The following SATB1 variants were observed in gnomAD, a reference collection of about 807,000 sequenced individuals.
SATB1 encodes the protein SATB homeobox 1.
In SATB1, 11 loss-of-function variants were observed where a neutral mutation model predicts 86.9. The ratio of observed to expected loss-of-function variants is 0.13; its 90% CI spans 0.08 to 0.21. SATB1 has a LOEUF of 0.21. Among genes scored for constraint, SATB1 ranks in the 10% least tolerant of loss-of-function variants. The probability of loss-of-function intolerance (pLI) is 1.00; values close to 1 mark genes in which losing one functional copy is unlikely to be tolerated. For synonymous variants in SATB1, 357 were observed against 357.2 expected, an observed-to-expected ratio of 1.00 and a Z score of 0.01; for missense variants, 551 against 937.6, an observed-to-expected ratio of 0.59 and a Z score of 5.39.
At chr3:18,359,622 A>G (rs1694811442) in intron 9 of SATB1, among the ~76,000 whole-genome samples, 1 of 152,022 alleles carries the variant, frequency 6.6e-6, no homozygotes, top group Non-Finnish European at 1.5e-5. Flanking sequence ...TCTGGCTTAT[A>G]TATCTGATAC....
chr3:18,436,480 G>A (rs2125204421), intron 2 of SATB1, among the ~76,000 whole-genome samples: 1 of 139,042 alleles, frequency 7.2e-6, no homozygotes, highest in East Asian at 2.1e-4. Context: ...CAGACAATGA[G>A]GATAGAACAG....
At chr3:18,405,079 G>T (rs1411001138) in intron 5 of SATB1, among the ~76,000 whole-genome samples, 1 of 151,912 alleles carries the variant, frequency 6.6e-6, no homozygotes, top group South Asian at 2.1e-4. Flanking sequence ...TTATTTTTAG[G>T]AAGGTTACGA....
chr3:18,386,361 C>A lies in SATB1; in HGVS notation c.1419+38G>T, dbSNP rs1696340577. 6.6e-7 allele frequency: 1 copy of A among 1,510,350 alleles called. No individual in the cohort carries two copies. The highest frequency in any genetic ancestry group is 1.8e-5 in the Admixed American group (1 of 55,304). 93.6% of individuals were successfully genotyped at this position (1,510,350 alleles called of 1,614,324 possible). On this transcript the variant is annotated intron_variant, in intron 8 of 10. Transcript: ENST00000338745. This position sits in a 1 kb window ranked among gnomAD's most constrained non-coding sequence, Gnocchi z 4.5. Reference sequence around the variant, plus strand: ...TTCTTCCTCAAGCATTAAAAAAAAGCTAAACAAAGAAGGGCAAGGAGGAAA... The same window carrying A: ...TTCTTCCTCAAGCATTAAAAAAAAGATAAACAAAGAAGGGCAAGGAGGAAA...
At chr3:18,419,973 T>A (rs768605423) in intron 2 of SATB1, among the ~76,000 whole-genome samples, 8 of 152,228 alleles carry the variant, frequency 5.3e-5, no homozygotes, top group African/African-American at 7.2e-5. Context: ...AATATAGCAT[T>A]TTTATCCATT....
intron 2 of SATB1, among the ~76,000 whole-genome samples, chr3:18,432,704 G>A (rs1419308885): frequency 6.6e-6 from 1 of 151,802 alleles, no homozygotes; most frequent in Non-Finnish European, 1.5e-5. Flanking sequence ...GGTGATGGTT[G>A]CACAACAGTG....
At chr3:18,387,976 T>C (rs1696429718) in intron 7 of SATB1, among the ~76,000 whole-genome samples, 1 of 152,162 alleles carries the variant, frequency 6.6e-6, no homozygotes, top group Non-Finnish European at 1.5e-5. Context: ...CTTCTTAAAA[T>C]GATTTATAAG....
At chr3:18,439,657 A>T (rs906207364), upstream of SATB1, among the ~76,000 whole-genome samples, 1 of 152,178 alleles carries the variant, frequency 6.6e-6, no homozygotes, top group African/African-American at 2.4e-5. Flanking sequence ...ATATGTTGTT[A>T]TTAAGACCAT....
At chr3:18,417,462 T>C (rs1698175549) in intron 2 of SATB1, 1 of 588,190 alleles carries the variant, frequency 1.7e-6, no homozygotes, top group African/African-American at 1.9e-5. Flanking sequence ...ACTCACCATT[T>C]ATCTTCAGAA....
intron 9 of SATB1, among the ~76,000 whole-genome samples, chr3:18,364,385 CTGTAATTTTATAGTGA>C (rs1695076658): frequency 6.6e-6 from 1 of 151,872 alleles, no homozygotes; most frequent in Admixed American, 6.6e-5. Context: ...CTAATAACTA[CTGTAATTTTATAGTGA>C]TGGGCATAAA....
chr3:18,350,248 G>A (rs1265392517), intron 10 of SATB1: 1 of 152,772 alleles, frequency 6.5e-6, no homozygotes, highest in South Asian at 2.1e-4. Context: ...TTTTCTATCA[G>A]ACAGTTCCAA....
In SATB1 at chr3:18,349,260, A is replaced by C. The variant is rs150415815; in HGVS notation, c.2202T>G (p.Asp734Glu). ...LLKDLEESVQ[D>E]KNTNTLFSVK... ...CTGAAAAAAGGGTGTTAGTATTTTT[A>C]TCTTGGACACTCTCTTCCAAATCCT... is the stretch of plus-strand genomic sequence containing the variant. The change falls in exon 11 of 11, where the codon GAT (aspartate) becomes GAG (glutamate). Residue 734 changes from aspartate to glutamate, a missense_variant. Physicochemically the swap from Asp to Glu is conservative, Grantham distance 45. Around this residue, in one of 8 missense-constraint regions of SATB1, gnomAD observed 41 missense variants for 38.9 expected, o/e 1.06. Coordinates refer to ENST00000338745, the MANE Select transcript of SATB1 (RefSeq NM_002971.6). The surrounding 1 kb of genome is among the most constrained non-coding windows in gnomAD (Gnocchi z 5.5). 2 of 1,614,126 alleles carry C rather than the reference A, an allele frequency of 1.2e-6. No individual in the cohort carries two copies. The highest frequency in any genetic ancestry group is 2.7e-5 in the African/African-American group (2 of 74,998).
intron 9 of SATB1, among the ~76,000 whole-genome samples, chr3:18,356,156 ATG>A (rs1244734040): frequency 6.6e-6 from 1 of 151,962 alleles, no homozygotes; most frequent in East Asian, 1.9e-4. Flanking sequence ...CTGAGATAAT[ATG>A]TTCAAACCTG....
chr3:18,403,699 G>A (rs1471849027), intron 5 of SATB1, among the ~76,000 whole-genome samples: 1 of 152,024 alleles, frequency 6.6e-6, no homozygotes, highest in African/African-American at 2.4e-5. Flanking sequence ...GATGTATAAA[G>A]CCCTACAGTT....
rs1698502859 is a variant in SATB1 at position 18,423,707 on chromosome 3, A to G, written c.-105T>C. On this transcript the variant is annotated 5_prime_UTR_variant, in exon 1 of 11. Coordinates refer to ENST00000338745, the MANE Select transcript of SATB1 (RefSeq NM_002971.6). Reference sequence around the variant, plus strand: ...GCCCGGGTTCTTGAAGAGAAGTTCAAGACTGATGTTTTCTATGTCCTTTTT... The same window carrying G: ...GCCCGGGTTCTTGAAGAGAAGTTCAGGACTGATGTTTTCTATGTCCTTTTT... 6.6e-6 allele frequency: 1 copy of G among 151,016 alleles called. No individual in the cohort carries two copies. The highest frequency in any genetic ancestry group is 1.5e-5 in the Non-Finnish European group (1 of 67,826). The allele number at this position is 151,016 out of a possible 1,614,324, so 9.4% of individuals were successfully genotyped here. A position where few individuals can be genotyped will look rare whatever the true frequency, so the allele number is the denominator to read the frequency against.
chr3:18,416,561 T>C (rs944297640), intron 3 of SATB1, among the ~76,000 whole-genome samples: 7 of 152,062 alleles, frequency 4.6e-5, no homozygotes, highest in Non-Finnish European at 1.0e-4. Flanking sequence ...GAACTAGATA[T>C]TCAGTCATAA....
chr3:18,403,496 T>C (rs1697369587), intron 5 of SATB1, among the ~76,000 whole-genome samples: 1 of 152,138 alleles, frequency 6.6e-6, no homozygotes, highest in African/African-American at 2.4e-5. Flanking sequence ...GCACAGGTTT[T>C]ATTCTATAAG....
At chr3:18,415,461 C>T (rs1323940238) in intron 4 of SATB1, among the ~76,000 whole-genome samples, 1 of 152,110 alleles carries the variant, frequency 6.6e-6, no homozygotes, top group Non-Finnish European at 1.5e-5. Flanking sequence ...TTTCATGTTA[C>T]TTCTACCTTC....
intron 10 of SATB1, chr3:18,351,164 T>C: frequency 1.5e-6 from 1 of 687,334 alleles, no homozygotes. Context: ...AAACAAAGCA[T>C]AAGGCTGCAT....
chr3:18,381,618 T>C (rs1222102516), intron 8 of SATB1, among the ~76,000 whole-genome samples: 1 of 152,220 alleles, frequency 6.6e-6, no homozygotes, highest in East Asian at 1.9e-4. Flanking sequence ...CCTTCTTTAC[T>C]TGAAAAAATT....
Sources: gnomAD v4.1 joint callset for allele counts (sites outside exome capture counted in the v4.1 genomes callset) on GRCh38, gnomAD v4.1.1 for gene constraint, gnomAD v4.1.1 regional missense constraint, Gnocchi (gnomAD v3.1) non-coding constraint, MANE v1.5 for transcripts, NCBI Gene and HGNC (gene_info 2026-07-23, HGNC 2026-07-21) for gene names.